The following SMOX variants were observed in gnomAD, a reference collection of about 807,000 sequenced individuals.
SMOX encodes the protein flavin containing amine oxidase.
Under a neutral mutation model 51.0 loss-of-function variants are expected in SMOX, and 22 were observed. The ratio of observed to expected loss-of-function variants is 0.43; its 90% confidence interval spans 0.31 to 0.62. The LOEUF (loss-of-function observed/expected upper bound fraction) is 0.62, where lower values mean the gene tolerates loss of function less well. Ranked by LOEUF, SMOX falls within the 20% of genes least tolerant of loss-of-function variation. The pLI, the probability that SMOX is intolerant of heterozygous loss-of-function variation, is 0.10. For missense variants in SMOX, 566 were observed against 777.7 expected (o/e 0.73, Z 3.24); for synonymous variants, 282 against 307.8 (o/e 0.92, Z 0.88).
chr20:4,153,452 G>A lies in SMOX; in HGVS notation c.-27+4475G>A, dbSNP rs1177790188. On this transcript the variant is annotated intron_variant, in intron 1 of 6. Coordinates refer to ENST00000305958, the MANE Select transcript of SMOX (RefSeq NM_175839.3). The surrounding 1 kb of genome is among the most constrained non-coding windows in gnomAD (Gnocchi z 4.4). ...AGGAACTGGGCCAGGAAGGAGGGAG[G>A]AGGGTGTGTCAGCTCTGCCCTGGGA... Among the ~76,000 whole-genome samples the A allele has an allele frequency of 6.6e-6, 1 of 152,170 alleles. No homozygotes were observed. The highest frequency in any genetic ancestry group is 1.5e-5 in the Non-Finnish European group (1 of 68,030).
At position 4,181,166 on chromosome 20, in the gene SMOX, T is replaced by C. The variant is rs1979291578; in HGVS notation, c.436-637T>C. Among the ~76,000 whole-genome samples, 1 of 152,198 alleles carries C rather than the reference T, an allele frequency of 6.6e-6. No individual in the cohort carries two copies. The highest frequency in any genetic ancestry group is 1.5e-5 in the Non-Finnish European group (1 of 68,038). Reference sequence around the variant, plus strand: ...TGCCCGTGAAATGCATCTCCCTTCCTTGGCACACTGGGGCCTCCTGAGACC... The same window carrying C: ...TGCCCGTGAAATGCATCTCCCTTCCCTGGCACACTGGGGCCTCCTGAGACC... On this transcript the variant is annotated intron_variant, in intron 3 of 6. Transcript: ENST00000305958. This position sits in a 1 kb window ranked among gnomAD's most constrained non-coding sequence, Gnocchi z 5.6.
intron 1 of SMOX, among the ~76,000 whole-genome samples, chr20:4,156,354 T>C (rs529015938): frequency 6.6e-6 from 1 of 152,292 alleles, no homozygotes; most frequent in East Asian, 1.9e-4. Context: ...AGAGGTAGAC[T>C]TGGTGGGATG....
chr20:4,182,595 C>G lies in SMOX; in HGVS notation c.1116C>G (p.Phe372Leu). Residue 372 changes from phenylalanine (F) to leucine (L), a missense_variant, in exon 5 of 7, where the codon TTC becomes TTG. Transcript: ENST00000305958. This position sits in a 1 kb window ranked among gnomAD's most constrained non-coding sequence, Gnocchi z 8.4. ...CCACCGACAAGATCTTTCTGGAATT[C>G]GAGGAGCCCTTCTGGGGCCCTGAGT... ...IGTTDKIFLE[F>L]EEPFWGPECN... is the part of the protein sequence containing the mutation. 1 of 1,613,974 alleles carries G rather than the reference C, an allele frequency of 6.2e-7. No homozygotes were observed. The highest frequency in any genetic ancestry group is 8.5e-7 in the Non-Finnish European group (1 of 1,179,966).
Position 4,183,544 on chromosome 20 carries a change from A to G in SMOX, c.1420A>G (p.Ser474Gly). 1 of 1,614,194 alleles carries G rather than the reference A, an allele frequency of 6.2e-7. No homozygotes were observed. The highest frequency in any genetic ancestry group is 8.5e-7 in the Non-Finnish European group (1 of 1,180,010). The change falls in exon 6 of 7, where the codon AGC (serine) becomes GGC (glycine). Residue 474 changes from serine (S) to glycine (G), a missense_variant. This residue lies in a region of SMOX where 347 missense variants were observed against 481.8 expected (regional missense o/e 0.72). Coordinates refer to ENST00000305958, the MANE Select transcript of SMOX (RefSeq NM_175839.3). The surrounding 1 kb of genome is among the most constrained non-coding windows in gnomAD (Gnocchi z 4.3). ...PRRILRSAWG[S>G]NPYFRGSYSY... ...GCGAATCTTGCGCTCGGCCTGGGGC[A>G]GCAACCCTTACTTCCGCGGCTCCTA...
chr20:4,162,223 G>A (rs6084650), intron 1 of SMOX, among the ~76,000 whole-genome samples: 1 of 152,138 alleles, frequency 6.6e-6, no homozygotes, highest in Non-Finnish European at 1.5e-5. Context: ...CCCACCTGAC[G>A]CTGGAAGGCT....
At chr20:4,180,288 T>A (rs1246132049) in intron 3 of SMOX, among the ~76,000 whole-genome samples, 1 of 152,202 alleles carries the variant, frequency 6.6e-6, no homozygotes, top group Non-Finnish European at 1.5e-5. Flanking sequence ...GTGGAGGCCT[T>A]CCCCTTGAGT....
intron 1 of SMOX, among the ~76,000 whole-genome samples, chr20:4,158,681 C>G (rs551172696): frequency 6.6e-6 from 1 of 152,262 alleles, no homozygotes. Context: ...CCCCGGGGGC[C>G]TGAGTGAGGC....
At chr20:4,186,919 C>A in intron 6 of SMOX, 1 of 718,610 alleles carries the variant, frequency 1.4e-6, no homozygotes, top group South Asian at 1.5e-5. Context: ...TTAATCCTTA[C>A]AACCACCCTC....
chr20:4,162,635 G>C (rs1334337458), intron 1 of SMOX, among the ~76,000 whole-genome samples: 1 of 152,174 alleles, frequency 6.6e-6, no homozygotes, highest in Non-Finnish European at 1.5e-5. Context: ...GAATCTCCAG[G>C]GGCTGATGCA....
In SMOX at chr20:4,183,577, A is replaced by G. The variant is rs754948708; in HGVS notation, c.1453A>G (p.Thr485Ala). The G allele has an allele frequency of 1.2e-6, 2 of 1,613,452 alleles. No individual in the cohort carries two copies. The highest frequency in any genetic ancestry group is 8.5e-7 in the Non-Finnish European group (1 of 1,179,630). Residue 485 changes from threonine to alanine, a missense_variant, in exon 6 of 7, where the codon ACG becomes GCG. By Grantham distance (58) the Thr-to-Ala change is moderately conservative. This residue lies in a region of SMOX where 347 missense variants were observed against 481.8 expected (regional missense o/e 0.72). Transcript: ENST00000305958. This position sits in a 1 kb window ranked among gnomAD's most constrained non-coding sequence, Gnocchi z 4.3. ...NPYFRGSYSY[T>A]QVGSSGADVE... ...TTACTTCCGCGGCTCCTATTCATAC[A>G]CGCAGGTGGGCTCCAGCGGGGCGGA...
chr20:4,156,076 G>A (rs566676832), intron 1 of SMOX, among the ~76,000 whole-genome samples: 1 of 152,272 alleles, frequency 6.6e-6, no homozygotes, highest in South Asian at 2.1e-4. Context: ...GCGTTCAGGG[G>A]ACAAATAAGG....
chr20:4,187,712 C>T lies in SMOX; in HGVS notation c.*305C>T, dbSNP rs543958432. ...CATTTTGGGATAATAAAAAAGGCTC[C>T]CTCCCCTGCCCCTCAGCTTCTCTCT... is the stretch of plus-strand genomic sequence containing the variant. On this transcript the variant is annotated 3_prime_UTR_variant, in exon 7 of 7. Coordinates refer to ENST00000305958, the MANE Select transcript of SMOX (RefSeq NM_175839.3). The surrounding 1 kb of genome is among the most constrained non-coding windows in gnomAD (Gnocchi z 4.8). 2 of 271,082 alleles carry T rather than the reference C, an allele frequency of 7.4e-6. No individual in the cohort carries two copies. The highest frequency in any genetic ancestry group is 4.8e-5 in the Admixed American group (1 of 20,648). 16.8% of individuals were successfully genotyped at this position (271,082 alleles called of 1,614,324 possible).
At chr20:4,161,414 C>G (rs1225150079) in intron 1 of SMOX, among the ~76,000 whole-genome samples, 1 of 152,228 alleles carries the variant, frequency 6.6e-6, no homozygotes, top group East Asian at 1.9e-4. Context: ...GCTGACCTCC[C>G]CTCTGCAGTC....
At chr20:4,174,129 G>A (rs972139498) in intron 1 of SMOX, among the ~76,000 whole-genome samples, 1 of 152,206 alleles carries the variant, frequency 6.6e-6, no homozygotes, top group Non-Finnish European at 1.5e-5. Flanking sequence ...TGCAGGCCTC[G>A]TGGCACTTTC....
At chr20:4,173,806 G>A (rs920256216) in intron 1 of SMOX, among the ~76,000 whole-genome samples, 16 of 152,382 alleles carry the variant, frequency 1.0e-4, no homozygotes, top group African/African-American at 3.6e-4. Context: ...AACAGGGACA[G>A]CATCTGAGCT....
chr20:4,178,311 A>T (rs1365053277), intron 3 of SMOX, among the ~76,000 whole-genome samples: 1 of 152,228 alleles, frequency 6.6e-6, no homozygotes, highest in Non-Finnish European at 1.5e-5. Flanking sequence ...TGCTGGGATT[A>T]TAGGCGTGAG....
At chr20:4,154,532 C>A (rs56098945) in intron 1 of SMOX, among the ~76,000 whole-genome samples, 241 of 152,212 alleles carry the variant, frequency 1.6e-3, no homozygotes, top group African/African-American at 5.7e-3. Flanking sequence ...CAGGTGCCCA[C>A]CACCATCTTT....
In SMOX at chr20:4,160,772, C is replaced by T. The variant is rs180941976; in HGVS notation, c.-27+11795C>T. ...AAAGGGTTTACAGTGGAGGAAGGCCCGTCTCCACCTTCAGGGAGGAAGGCT... is the reference window on the plus strand; with the variant it reads ...AAAGGGTTTACAGTGGAGGAAGGCCTGTCTCCACCTTCAGGGAGGAAGGCT... On this transcript the variant is annotated intron_variant, in intron 1 of 6. Coordinates refer to ENST00000305958, the MANE Select transcript of SMOX (RefSeq NM_175839.3). Among the ~76,000 whole-genome samples, 5 of 152,300 alleles carry T rather than the reference C, an allele frequency of 3.3e-5. No individual in the cohort carries two copies. The East Asian group carries it at 5.8e-4, about 18-fold the overall frequency.
In SMOX at chr20:4,182,133, C is replaced by G. The variant is rs781264074; in HGVS notation, c.654C>G (p.Ser218=). The change falls in exon 5 of 7, where the codon TCC becomes TCG. Residue 218 remains serine (S), a synonymous_variant. Transcript: ENST00000305958. The surrounding 1 kb of genome is among the most constrained non-coding windows in gnomAD (Gnocchi z 8.4). ...ESSSHSMDEV[S]LSAFGEWTEI... is the part of the protein sequence containing the mutation. ...GCTCACACAGCATGGACGAGGTGTC[C>G]CTGAGCGCCTTCGGGGAGTGGACCG... The G allele has an allele frequency of 6.2e-7, 1 of 1,608,790 alleles. No homozygotes were observed. Among genetic ancestry groups the G allele is most frequent in the Non-Finnish European group, 8.5e-7 (1 of 1,176,994 alleles).
Sources: gnomAD v4.1 joint callset for allele counts (sites outside exome capture counted in the v4.1 genomes callset) on GRCh38, gnomAD v4.1.1 for gene constraint, gnomAD v4.1.1 regional missense constraint, Gnocchi (gnomAD v3.1) non-coding constraint, MANE v1.5 for transcripts, NCBI Gene and HGNC (gene_info 2026-07-23, HGNC 2026-07-21) for gene names.